TRPM2: variants seen among roughly 807,000 people sequenced by gnomAD.
The protein encoded by TRPM2 is estrogen-responsive element-associated gene 1 protein.
Under a neutral mutation model 174.0 loss-of-function variants are expected in TRPM2, and 161 were observed. The ratio of observed to expected loss-of-function variants is 0.93; its 90% confidence interval spans 0.81 to 1.05. The LOEUF (loss-of-function observed/expected upper bound fraction) is 1.05, where lower values mean the gene tolerates loss of function less well. Ranked by LOEUF, TRPM2 falls within the 50% of genes least tolerant of loss-of-function variation. The pLI, the probability that TRPM2 is intolerant of heterozygous loss-of-function variation, is 0.00. For missense variants in TRPM2, 2,057 were observed against 2,038.0 expected (o/e 1.01, Z -0.18); for synonymous variants, 954 against 861.3 (o/e 1.11, Z -1.88).
At chr21:44,436,098 C>G (rs1303066241) in intron 28 of TRPM2, among the ~76,000 whole-genome samples, 1 of 152,144 alleles carries the variant, frequency 6.6e-6, no homozygotes, top group African/African-American at 2.4e-5. Flanking sequence ...CACACAGGGA[C>G]ACAGCTCCAC....
chr21:44,412,857 C>T (rs1406602719), intron 19 of TRPM2, among the ~76,000 whole-genome samples: 1 of 151,904 alleles, frequency 6.6e-6, no homozygotes, highest in Non-Finnish European at 1.5e-5. Context: ...AATTTATAGC[C>T]ATCAGAGTGC....
At chr21:44,437,222 T>C in intron 29 of TRPM2, 55 bp downstream of exon 29, 1 of 1,456,456 alleles carries the variant, frequency 6.9e-7, no homozygotes, top group South Asian at 1.2e-5. Context: ...GGGTCACTCG[T>C]CCATTCATCC....
chr21:44,428,563 G>GCTCCACCCTGAGGTGTGA (rs2050899633), intron 27 of TRPM2, among the ~76,000 whole-genome samples: 2 of 144,410 alleles, frequency 1.4e-5, no homozygotes, highest in Non-Finnish European at 3.0e-5. Flanking sequence ...CTTAGGTGTG[G>GCTCCACCCTGAGGTGTGA]CTCCTCCCTG....
At chr21:44,422,412 C>T in intron 22 of TRPM2, 1 of 1,536,106 alleles carries the variant, frequency 6.5e-7, no homozygotes, top group Non-Finnish European at 8.7e-7. Flanking sequence ...TCTGGGAAAA[C>T]ATGGCAGGTG....
In TRPM2 at chr21:44,382,715, C is replaced by T. The variant is rs548157020; in HGVS notation, c.1216-3C>T. 28 of 1,613,580 alleles carry T rather than the reference C, an allele frequency of 1.7e-5. No individual in the cohort carries two copies. In the East Asian group the frequency reaches 2.0e-4, roughly 12 times the overall value. ...TGTCTCACTTAGAAAATGCTTGTTG[C>T]AGATCCAAGATATCGTCCGGAGGCG... On this transcript the variant is annotated splice_polypyrimidine_tract_variant and splice_region_variant and intron_variant, in intron 8 of 31. Coordinates refer to ENST00000397928, the MANE Select transcript of TRPM2 (RefSeq NM_003307.4).
rs1162264165 is a variant in TRPM2, at chr21:44,366,882, G to T, written c.552G>T (p.Pro184=). 6.2e-7 allele frequency: 1 copy of T among 1,612,506 alleles called. No homozygotes were observed. Among genetic ancestry groups the T allele is most frequent in the African/African-American group, 1.3e-5 (1 of 74,846 alleles). The stretch of plus-strand genomic sequence containing the variant: ...GGGCCAAGAACTTCAACATGAAGCC[G>T]CGGCTGAAGAGCATTTTCCGCAGAG... ...TGGAKNFNMK[P]RLKSIFRRGL... The change falls in exon 4 of 32, where the codon CCG becomes CCT. Residue 184 remains proline (P), a synonymous_variant. Transcript: ENST00000397928. The surrounding 1 kb of genome is among the most constrained non-coding windows in gnomAD (Gnocchi z 6.0).
At chr21:44,408,654 C>CT (rs34026339) in intron 19 of TRPM2, among the ~76,000 whole-genome samples, 5,420 of 102,646 alleles carry the variant, frequency 0.053, 229 homozygotes, top group African/African-American at 0.1. Flanking sequence ...CTCCTTTGCC[C>CT]TTTTTTTTTT....
intron 15 of TRPM2, among the ~76,000 whole-genome samples, chr21:44,401,262 G>A (rs1421829279): frequency 2.6e-5 from 4 of 152,188 alleles, no homozygotes; most frequent in Non-Finnish European, 4.4e-5. Context: ...CCCCATTGAG[G>A]ACGGCAAGGA....
chr21:44,429,268 TTTTC>T (rs1207732045), intron 27 of TRPM2, among the ~76,000 whole-genome samples: 1 of 145,556 alleles, frequency 6.9e-6, no homozygotes, highest in Non-Finnish European at 1.5e-5. Flanking sequence ...TATAACATTT[TTTTC>T]TTTTTCTTTT....
At position 44,418,375 on chromosome 21, in the gene TRPM2, A is replaced by C. The variant is rs554039728; in HGVS notation, c.3329-48A>C. On this transcript the variant is annotated intron_variant, in intron 21 of 31. Coordinates refer to ENST00000397928, the MANE Select transcript of TRPM2 (RefSeq NM_003307.4). ...CCGGTGGGTCAGGGCTTCAGGGCCC[A>C]CCTCCTGAGGATTCCAGGTCCCCTG... 17 of 1,599,638 alleles carry C rather than the reference A, an allele frequency of 1.1e-5. No homozygotes were observed. In the East Asian group the frequency reaches 3.8e-4, roughly 36 times the overall value.
Position 44,399,236 on chromosome 21 carries a change from TC to T in TRPM2, c.2063-56del. On this transcript the variant is annotated intron_variant, in intron 13 of 31. Coordinates refer to ENST00000397928, the MANE Select transcript of TRPM2 (RefSeq NM_003307.4). This position sits in a 1 kb window ranked among gnomAD's most constrained non-coding sequence, Gnocchi z 4.6. ...TCCCGAGTGGTTGCCCTCTGACCCG[TC>T]CCCAGGGCTCAGTGATTGTGACCTG... The T allele has an allele frequency of 6.4e-7, 1 of 1,565,922 alleles. No homozygotes were observed. Among genetic ancestry groups the T allele is most frequent in the Non-Finnish European group, 8.7e-7 (1 of 1,151,820 alleles).
chr21:44,405,396 A>G (rs1032548556), intron 17 of TRPM2, 136 bp downstream of exon 17: 23 of 1,353,390 alleles, frequency 1.7e-5, no homozygotes, highest in Non-Finnish European at 2.2e-5. Context: ...CATCTGTCCA[A>G]TGGGTGTCCA....
Position 44,401,599 on chromosome 21 carries a change from G to T in TRPM2, c.2322-82G>T. On this transcript the variant is annotated intron_variant, in intron 15 of 31. Coordinates refer to ENST00000397928, the MANE Select transcript of TRPM2 (RefSeq NM_003307.4). ...GCACATCTCTCTGAGGGGCACGGGG[G>T]ATCACGGGGTGGCCAAAGCCTGTGG... 2.1e-6 allele frequency: 3 copies of T among 1,435,122 alleles called. No individual in the cohort carries two copies. In the South Asian group the frequency reaches 3.5e-5, roughly 17 times the overall value. 88.9% of individuals were successfully genotyped at this position (1,435,122 alleles called of 1,614,324 possible). A position where few individuals can be genotyped will look rare whatever the true frequency, so the allele number is the denominator to read the frequency against.
intron 2 of TRPM2, among the ~76,000 whole-genome samples, chr21:44,355,782 A>G (rs1309721608): frequency 6.6e-6 from 1 of 151,646 alleles, no homozygotes; most frequent in Non-Finnish European, 1.5e-5. Flanking sequence ...CCTCTAGTGT[A>G]CTCGGTACAT....
Position 44,410,217 on chromosome 21 carries a change from C to T in TRPM2, c.2962+3452C>T, listed in dbSNP as rs141868491. ...GGCATAGCCTTGTAGTAAGTTTTGACCGCACTGTCTTGGTTGGCGTAGCCT... is the reference window on the plus strand; with the variant it reads ...GGCATAGCCTTGTAGTAAGTTTTGATCGCACTGTCTTGGTTGGCGTAGCCT... On this transcript the variant is annotated intron_variant, in intron 19 of 31. Coordinates refer to ENST00000397928, the MANE Select transcript of TRPM2 (RefSeq NM_003307.4). 3.6e-3 allele frequency among the ~76,000 whole-genome samples: 98 copies of T among 26,974 alleles called. 9 individuals carry two copies. Among genetic ancestry groups the T allele is most frequent in the East Asian group, 9.5e-3 (7 of 740 alleles). The allele number at this position is 26,974 out of a possible 152,430, so 17.7% of individuals were successfully genotyped here.
rs113463375 is a variant in TRPM2, at chr21:44,404,652, G to A, written c.2539-490G>A. Among the ~76,000 whole-genome samples, 1,138 of 152,112 alleles carry A rather than the reference G, an allele frequency of 7.5e-3. 15 individuals are homozygous for A. Among genetic ancestry groups the A allele is most frequent in the African/African-American group, 0.027 (1,101 of 41,482 alleles). The stretch of plus-strand genomic sequence containing the variant: ...TGATAGTGACAGTGATGATAGTGAC[G>A]GTGATAGTGATGATAGTGACAGTGA... On this transcript the variant is annotated intron_variant, in intron 16 of 31. Coordinates refer to ENST00000397928, the MANE Select transcript of TRPM2 (RefSeq NM_003307.4).
intron 28 of TRPM2, among the ~76,000 whole-genome samples, 182 bp from the exon 29 acceptor site, chr21:44,436,880 G>A (rs953817677): frequency 2.6e-5 from 4 of 152,158 alleles, no homozygotes; most frequent in East Asian, 3.9e-4. Context: ...GAAGAAGGAC[G>A]TCCCCTAAGT....
chr21:44,360,568 CTT>C (rs34605236), intron 2 of TRPM2, among the ~76,000 whole-genome samples: 298 of 130,462 alleles, frequency 2.3e-3, no homozygotes, highest in Admixed American at 2.2e-3. Flanking sequence ...AGTTTTATGT[CTT>C]TTTTTTTTTT....
rs759537367 is a variant in TRPM2, at chr21:44,395,366, CTG to C, written c.1795-47_1795-46del. On this transcript the variant is annotated intron_variant, in intron 11 of 31. Coordinates refer to ENST00000397928, the MANE Select transcript of TRPM2 (RefSeq NM_003307.4). ...CCTCTGACAGGCTCCGCCAGTGACT[CTG>C]AGCCAGGCGGCCCGGCTGGGGCTCT... 8.7e-6 allele frequency: 14 copies of C among 1,600,412 alleles called. No individual in the cohort carries two copies. In the African/African-American group the frequency reaches 1.9e-4, roughly 21 times the overall value.
Sources: gnomAD v4.1 joint callset for allele counts (sites outside exome capture counted in the v4.1 genomes callset) on GRCh38, gnomAD v4.1.1 for gene constraint, Gnocchi (gnomAD v3.1) non-coding constraint, MANE v1.5 for transcripts, NCBI Gene and HGNC (gene_info 2026-07-23, HGNC 2026-07-21) for gene names.